Variants in SND1 observed in about 807,000 individuals in gnomAD.
SND1 encodes the protein staphylococcal nuclease domain-containing protein 1.
In SND1, 38 loss-of-function variants were observed where a neutral mutation model predicts 121.7. The ratio of observed to expected loss-of-function variants is 0.31; its 90% CI spans 0.24 to 0.41. The LOEUF is 0.41. Among genes scored for constraint, SND1 ranks in the 10% least tolerant of loss-of-function variants. The pLI, the probability that SND1 is intolerant of heterozygous loss-of-function variation, is 1.00. For missense variants in SND1, 868 were observed against 1,184.6 expected (o/e 0.73, Z 3.92); for synonymous variants, 401 against 447.4 (o/e 0.90, Z 1.31).
rs763763058 is a variant in SND1, at chr7:128,074,660, C to T, written c.1938C>T (p.Ala646=). 52 of 1,613,242 alleles carry T rather than the reference C, an allele frequency of 3.2e-5. No individual in the cohort carries two copies. Among genetic ancestry groups the T allele is most frequent in the South Asian group, 1.8e-4 (16 of 90,950 alleles). ...RSSYYKSLLS[A]EEAAKQKKEK... is the part of the protein sequence containing the mutation. ...CCTACTACAAGTCCCTGCTGTCTGC[C>T]GAGGAGGCCGCAAAGCAGAAGAAAG... The change falls in exon 17 of 24, where the codon GCC becomes GCT. Residue 646 remains alanine (A), a synonymous_variant. Transcript: ENST00000354725.
intron 1 of SND1, among the ~76,000 whole-genome samples, chr7:127,684,244 G>A (rs1051568516): frequency 6.6e-6 from 1 of 152,166 alleles, no homozygotes; most frequent in African/African-American, 2.4e-5. Flanking sequence ...CTTGTAAATA[G>A]GCCTTAGCTT....
At chr7:128,084,904 C>A in intron 19 of SND1, 57 bp downstream of exon 19, 2 of 1,521,002 alleles carry the variant, frequency 1.3e-6, no homozygotes, top group Non-Finnish European at 1.8e-6. Flanking sequence ...GCAGGGCTGT[C>A]CTCAGGCCTC....
intron 16 of SND1, among the ~76,000 whole-genome samples, chr7:128,041,841 C>T (rs537938212): frequency 2.0e-5 from 3 of 152,318 alleles, no homozygotes; most frequent in African/African-American, 7.2e-5. Flanking sequence ...AGCCATGAAT[C>T]CCCATCTTTC....
intron 10 of SND1, among the ~76,000 whole-genome samples, chr7:127,738,273 C>CT (rs869045037): frequency 0.043 from 5,710 of 131,776 alleles, 236 homozygotes; most frequent in African/African-American, 0.11. Flanking sequence ...AAAGGTGTTT[C>CT]TTTTTTTTTT....
At chr7:127,697,781 T>C (rs1796031745) in intron 3 of SND1, among the ~76,000 whole-genome samples, 1 of 152,152 alleles carries the variant, frequency 6.6e-6, no homozygotes, top group Non-Finnish European at 1.5e-5. Context: ...AGGTTGGGCT[T>C]GTGGGGCGGT....
chr7:127,942,549 G>A (rs1399299343), intron 15 of SND1, among the ~76,000 whole-genome samples: 7 of 152,154 alleles, frequency 4.6e-5, no homozygotes, highest in Non-Finnish European at 2.9e-5. Context: ...GGCAGAAAGC[G>A]AGCTCTGGTA....
At chr7:127,735,324 T>C (rs1383588860) in intron 10 of SND1, among the ~76,000 whole-genome samples, 1 of 152,210 alleles carries the variant, frequency 6.6e-6, no homozygotes, top group Non-Finnish European at 1.5e-5. Context: ...CTGGCTGTCT[T>C]TGTTACTGTA....
At chr7:128,076,194 G>C (rs1470445387) in intron 17 of SND1, among the ~76,000 whole-genome samples, 1 of 152,172 alleles carries the variant, frequency 6.6e-6, no homozygotes. Flanking sequence ...AGGGGACTCT[G>C]GCCTGAGATG....
intron 2 of SND1, among the ~76,000 whole-genome samples, chr7:127,691,661 G>A (rs1795919022): frequency 6.6e-6 from 1 of 151,994 alleles, no homozygotes; most frequent in African/African-American, 2.4e-5. Flanking sequence ...CGCCCGGGCT[G>A]GAGTGCAGTG....
chr7:127,836,914 C>A (rs968321659), intron 11 of SND1, among the ~76,000 whole-genome samples: 1 of 152,134 alleles, frequency 6.6e-6, no homozygotes, highest in Admixed American at 6.6e-5. Context: ...ATATATTTTA[C>A]ATATATAGTA....
At chr7:127,888,045 C>A in intron 13 of SND1, 33 bp downstream of exon 13, 2 of 1,460,702 alleles carry the variant, frequency 1.4e-6, no homozygotes, top group Non-Finnish European at 1.9e-6. Context: ...ACATGGGGAA[C>A]CCACACCCTC....
At chr7:127,822,113 G>T (rs1798559000) in intron 11 of SND1, among the ~76,000 whole-genome samples, 1 of 151,940 alleles carries the variant, frequency 6.6e-6, no homozygotes. Context: ...CCTTTCTTTT[G>T]CCCTAGTCCT....
At chr7:127,794,528 A>G (rs905839984) in intron 10 of SND1, among the ~76,000 whole-genome samples, 6 of 152,254 alleles carry the variant, frequency 3.9e-5, no homozygotes, top group African/African-American at 1.4e-4. Context: ...GAAGACATAC[A>G]CAAAGAAGCA....
chr7:127,809,611 C>T (rs116199812), intron 11 of SND1, among the ~76,000 whole-genome samples: 182 of 152,316 alleles, frequency 1.2e-3, no homozygotes, highest in African/African-American at 4.1e-3. Context: ...AGAGGCACCA[C>T]GAGGGAGCAT....
chr7:127,688,177 A>T (rs1174674797), intron 2 of SND1, among the ~76,000 whole-genome samples: 1 of 152,132 alleles, frequency 6.6e-6, no homozygotes, highest in Admixed American at 6.6e-5. Flanking sequence ...TCTGTGCCTA[A>T]TGGTGATTTG....
chr7:127,908,769 T>A (rs1423268409), intron 14 of SND1, among the ~76,000 whole-genome samples: 2 of 152,218 alleles, frequency 1.3e-5, no homozygotes, highest in Non-Finnish European at 2.9e-5. Flanking sequence ...GTGTCAGTGT[T>A]CTTTATCTCA....
chr7:127,797,794 AG>A (rs778699427), intron 10 of SND1, among the ~76,000 whole-genome samples: 1 of 152,130 alleles, frequency 6.6e-6, no homozygotes, highest in South Asian at 2.1e-4. Context: ...TTTGTAGCTA[AG>A]TGAAGGGACC....
chr7:127,931,895 G>GA (rs905887250), intron 15 of SND1, among the ~76,000 whole-genome samples: 14 of 151,044 alleles, frequency 9.3e-5, no homozygotes, highest in Admixed American at 2.0e-4. Context: ...CTACTGCTCA[G>GA]AAAAAAAAAG....
chr7:127,826,606 C>T (rs180991122), intron 11 of SND1, among the ~76,000 whole-genome samples: 5 of 152,234 alleles, frequency 3.3e-5, no homozygotes, highest in South Asian at 2.1e-4. Flanking sequence ...AAAAAGTCAA[C>T]GTTTTTTGTT....
Sources: gnomAD v4.1 joint callset for allele counts (sites outside exome capture counted in the v4.1 genomes callset) on GRCh38, gnomAD v4.1.1 for gene constraint, MANE v1.5 for transcripts, NCBI Gene and HGNC (gene_info 2026-07-23, HGNC 2026-07-21) for gene names.